ZNF124: variants seen among roughly 807,000 people sequenced by gnomAD.
ZNF124 encodes zinc finger protein 124.
In ZNF124, 25 loss-of-function variants were observed where a neutral mutation model predicts 26.6. That is an observed-to-expected ratio of 0.94 (90% confidence interval 0.68 to 1.31). The LOEUF (loss-of-function observed/expected upper bound fraction) is 1.31, where lower values mean the gene tolerates loss of function less well. Among genes scored for constraint, ZNF124 ranks in the 40% most tolerant of loss-of-function variants. The pLI is 0.00. For missense variants in ZNF124, 444 were observed against 422.2 expected, an observed-to-expected ratio of 1.05 and a Z score of -0.45; for synonymous variants, 129 against 133.3, an observed-to-expected ratio of 0.97 and a Z score of 0.22.
At chr1:247,138,802 A>T (rs1224550243) in intron 3 of ZNF124, 1 of 398,560 alleles carries the variant, frequency 2.5e-6, no homozygotes, top group African/African-American at 2.1e-5. Context: ...TTTAAAGCTG[A>T]GTGTGAACAT....
intron 1 of ZNF124, among the ~76,000 whole-genome samples, chr1:247,160,102 C>G (rs1673399136): frequency 6.6e-6 from 1 of 150,688 alleles, no homozygotes; most frequent in African/African-American, 2.4e-5. Context: ...TCTCCTGCCT[C>G]TGCCTCTCAA....
At chr1:247,158,520 T>C (rs188822554) in intron 3 of ZNF124, among the ~76,000 whole-genome samples, 5 of 152,332 alleles carry the variant, frequency 3.3e-5, no homozygotes, top group Non-Finnish European at 5.9e-5. Flanking sequence ...AATACTGTTT[T>C]CAAGTGAACT....
At chr1:247,159,938 C>A in intron 1 of ZNF124, 125 bp from the exon 2 acceptor site, 12 of 881,960 alleles carry the variant, frequency 1.4e-5, no homozygotes, top group African/African-American at 1.8e-5. Context: ...GTCACTAGAA[C>A]TATGACTCTG....
intron 3 of ZNF124, among the ~76,000 whole-genome samples, chr1:247,145,777 T>TGC (rs1470637032): frequency 1.2e-4 from 19 of 152,012 alleles, no homozygotes; most frequent in African/African-American, 4.3e-4. Flanking sequence ...TACAGGCGCC[T>TGC]ACCACCATGC....
chr1:247,167,981 T>G (rs1673876806), intron 1 of ZNF124, among the ~76,000 whole-genome samples: 1 of 152,006 alleles, frequency 6.6e-6, no homozygotes, highest in Admixed American at 6.5e-5. Context: ...GAAATGCAAA[T>G]TAAAACCATA....
At chr1:247,145,486 A>G (rs1327999513) in intron 3 of ZNF124, among the ~76,000 whole-genome samples, 1 of 152,156 alleles carries the variant, frequency 6.6e-6, no homozygotes, top group East Asian at 1.9e-4. Context: ...GGGGCCTCCC[A>G]CACTGTGAGA....
chr1:247,123,975 C>A (rs1211023756), intron 3 of ZNF124: 4 of 690,604 alleles, frequency 5.8e-6, no homozygotes, highest in Non-Finnish European at 8.0e-6. Flanking sequence ...ACTACAGGCA[C>A]CCGCCACCAC....
At position 247,170,326 on chromosome 1, in the gene ZNF124, T is replaced by C. The variant is rs1047097575; in HGVS notation, c.30+1522A>G. Reference sequence around the variant, plus strand: ...CAAATGCACAATAAAGAACAAATAATTAATAATGTTGTAAATTGGAGAGGT... The same window carrying C: ...CAAATGCACAATAAAGAACAAATAACTAATAATGTTGTAAATTGGAGAGGT... On this transcript the variant is annotated intron_variant, in intron 1 of 3. Transcript: ENST00000543802. Among the ~76,000 whole-genome samples the C allele has an allele frequency of 2.0e-5, 3 of 150,066 alleles. No individual in the cohort carries two copies. The Admixed American group carries it at 2.1e-4, about 10-fold the overall frequency.
intron 3 of ZNF124, among the ~76,000 whole-genome samples, chr1:247,125,672 G>A (rs1173326678): frequency 7.2e-5 from 6 of 82,840 alleles, no homozygotes; most frequent in African/African-American, 2.0e-4. Context: ...CCTCGTGATC[G>A]GCGCCGGCGC....
At chr1:247,136,685 G>A (rs1672490513) in intron 3 of ZNF124, among the ~76,000 whole-genome samples, 1 of 152,160 alleles carries the variant, frequency 6.6e-6, no homozygotes, top group African/African-American at 2.4e-5. Flanking sequence ...AGTGGCTCAT[G>A]CTTGTAATCC....
downstream of ZNF124, among the ~76,000 whole-genome samples, chr1:247,151,923 TAAAG>T (rs1406787679): frequency 3.3e-5 from 5 of 152,008 alleles, no homozygotes; most frequent in Non-Finnish European, 7.4e-5. Context: ...GATGTTTATA[TAAAG>T]TATAAAAGAG....
At chr1:247,147,029 G>A (rs1672799765) in intron 3 of ZNF124, among the ~76,000 whole-genome samples, 1 of 152,072 alleles carries the variant, frequency 6.6e-6, no homozygotes, top group Non-Finnish European at 1.5e-5. Context: ...GGAGTTAGTA[G>A]GAAACATAGT....
chr1:247,142,267 T>C (rs189281796), intron 3 of ZNF124, among the ~76,000 whole-genome samples: 4 of 152,328 alleles, frequency 2.6e-5, no homozygotes, highest in East Asian at 3.9e-4. Flanking sequence ...GTGACAACTT[T>C]AGACACACCA....
intron 1 of ZNF124, 35 bp from the exon 2 acceptor site, chr1:247,159,848 A>C: frequency 6.3e-7 from 1 of 1,586,292 alleles, no homozygotes. Flanking sequence ...AGGATGGATG[A>C]GACTGAAAGC....
chr1:247,123,684 C>G (rs1249226562), exon 4 of ZNF124: 1 of 574,190 alleles, frequency 1.7e-6, no homozygotes, highest in Non-Finnish European at 3.1e-6. Flanking sequence ...TCACAGGATT[C>G]TTGCTTCTAT....
rs1458530803 is a variant in ZNF124 at position 247,168,893 on chromosome 1, GC to G, written c.30+2954del. Among the ~76,000 whole-genome samples the G allele has an allele frequency of 6.6e-6, 1 of 152,084 alleles. No homozygotes were observed. Among genetic ancestry groups the G allele is most frequent in the Non-Finnish European group, 1.5e-5 (1 of 68,028 alleles). ...GGGGTGAGACTGCATATTGGGTACA[GC>G]GTACACTGATAAGGTGACAGGACCA... On this transcript the variant is annotated intron_variant, in intron 1 of 3. Transcript: ENST00000543802. The surrounding 1 kb of genome is among the most constrained non-coding windows in gnomAD (Gnocchi z 4.0).
At chr1:247,123,199 C>CT (rs892483182) in exon 4 of ZNF124, 206 of 146,626 alleles carry the variant, frequency 1.4e-3, no homozygotes, top group South Asian at 1.5e-3. Context: ...ATATTATGTT[C>CT]TTTTTTTTTT....
At chr1:247,161,308 G>A (rs1411197104) in intron 1 of ZNF124, among the ~76,000 whole-genome samples, 1 of 152,172 alleles carries the variant, frequency 6.6e-6, no homozygotes. Flanking sequence ...AGGAGGCATT[G>A]TAGGATAGTG....
rs750857606 is a variant in ZNF124, at chr1:247,156,667, C to G, written c.955G>C (p.Glu319Gln). Residue 319 changes from glutamate to glutamine, a missense_variant, in exon 4 of 4, where the codon GAA becomes CAA. Transcript: ENST00000543802. ...AAGGCTTTGCCACATTTCTGACATT[C>G]ATAGGGTTTCTCTCCAGTATGAGTC... ...ERTHTGEKPY[E>Q]CQKCGKAFSR... 1.2e-6 allele frequency: 2 copies of G among 1,612,444 alleles called. No homozygotes were observed. The highest frequency in any genetic ancestry group is 2.7e-5 in the African/African-American group (2 of 74,760).
Sources: allele counts gnomAD v4.1 joint callset (sites outside exome capture counted in the v4.1 genomes callset), GRCh38; gene constraint gnomAD v4.1.1; non-coding constraint Gnocchi (gnomAD v3.1); transcripts MANE v1.5; gene names NCBI Gene and HGNC (gene_info 2026-07-23, HGNC 2026-07-21).